The following OSBPL9 variants were observed in gnomAD, a reference collection of about 807,000 sequenced individuals.
OSBPL9 encodes oxysterol-binding protein-related protein 9.
Under a neutral mutation model 106.6 loss-of-function variants are expected in OSBPL9, and 40 were observed. The observed-to-expected ratio is 0.38, with a 90% CI of 0.29 to 0.49. The LOEUF is 0.49. Ranked by LOEUF, OSBPL9 falls within the 20% of genes least tolerant of loss-of-function variation. The probability of loss-of-function intolerance (pLI) is 0.97; values close to 1 mark genes in which losing one functional copy is unlikely to be tolerated. For synonymous variants in OSBPL9, 269 were observed against 295.4 expected (o/e 0.91, Z 0.92); for missense variants, 609 against 887.2 (o/e 0.69, Z 3.98).
intron 2 of OSBPL9, among the ~76,000 whole-genome samples, chr1:51,603,601 G>A (rs1182767601): frequency 6.6e-6 from 1 of 152,198 alleles, no homozygotes; most frequent in Admixed American, 6.5e-5. Context: ...CCTATTCTAT[G>A]TTCTGGTCTC....
At position 51,784,361 on chromosome 1, in the gene OSBPL9, A is replaced by T. The variant is rs1557874805; in HGVS notation, c.1688+34A>T. On this transcript the variant is annotated intron_variant, in intron 19 of 23. Transcript: ENST00000428468. The stretch of plus-strand genomic sequence containing the variant: ...GTCCATTTCCTCTGATCAGCAGTAG[A>T]CTCTGCTGTTCCTTGAGACATGCCC... 3 of 1,605,054 alleles carry T rather than the reference A, an allele frequency of 1.9e-6. No individual in the cohort carries two copies. The South Asian group carries it at 3.3e-5, about 18-fold the overall frequency.
At chr1:51,758,978 A>G (rs1670937452) in intron 9 of OSBPL9, among the ~76,000 whole-genome samples, 1 of 152,118 alleles carries the variant, frequency 6.6e-6, no homozygotes, top group Non-Finnish European at 1.5e-5. Flanking sequence ...CAGACTTTTT[A>G]TTTTGCAGAC....
intron 2 of OSBPL9, among the ~76,000 whole-genome samples, chr1:51,660,117 A>G (rs1048446507): frequency 2.0e-5 from 3 of 152,176 alleles, no homozygotes; most frequent in African/African-American, 7.2e-5. Context: ...AACTGGATCA[A>G]TTGGGTGTCC....
chr1:51,633,673 G>GT (rs1378936987), intron 1 of OSBPL9, among the ~76,000 whole-genome samples: 1 of 152,132 alleles, frequency 6.6e-6, no homozygotes, highest in African/African-American at 2.4e-5. Flanking sequence ...GGGGGCTAGA[G>GT]TGCAGGGGCA....
chr1:51,547,363 C>T, the OSBPL9 span, among the ~76,000 whole-genome samples: 1 of 152,112 alleles, frequency 6.6e-6, no homozygotes, highest in Non-Finnish European at 1.5e-5. Flanking sequence ...CATTTTAAAA[C>T]AGTGCTCAGT....
the OSBPL9 span, among the ~76,000 whole-genome samples, chr1:51,562,262 G>A: frequency 0.011 from 1,628 of 152,204 alleles, 21 homozygotes; most frequent in African/African-American, 0.037. Flanking sequence ...CATAGTGAGT[G>A]AGTTATCATG....
chr1:51,692,488 AC>A (rs1655165315), intron 3 of OSBPL9, among the ~76,000 whole-genome samples: 1 of 152,070 alleles, frequency 6.6e-6, no homozygotes, highest in South Asian at 2.1e-4. Context: ...ATTGCCACAA[AC>A]GCCCTGCAAA....
chr1:51,613,500 G>A (rs1419198538), upstream of OSBPL9, among the ~76,000 whole-genome samples: 1 of 152,148 alleles, frequency 6.6e-6, no homozygotes, highest in Non-Finnish European at 1.5e-5. Flanking sequence ...TGTAAAATGT[G>A]GAGATTAAAA....
rs1288288999 is a variant in OSBPL9, at chr1:51,785,581, G to A, written c.1830-227G>A. On this transcript the variant is annotated intron_variant, in intron 20 of 23. Transcript: ENST00000428468. The stretch of plus-strand genomic sequence containing the variant: ...ATGGTCCTTGCACCCAGAATAGGAC[G>A]TTCTTGCCCAAACCCACCATTCTTG... 2.5e-5 allele frequency: 13 copies of A among 529,046 alleles called. 1 individual carries two copies. Among genetic ancestry groups the A allele is most frequent in the Middle Eastern group, 4.8e-4 (1 of 2,076 alleles). 32.8% of individuals were successfully genotyped at this position (529,046 alleles called of 1,614,324 possible).
chr1:51,550,778 T>C, the OSBPL9 span, among the ~76,000 whole-genome samples: 2 of 152,176 alleles, frequency 1.3e-5, no homozygotes, highest in African/African-American at 4.8e-5. Flanking sequence ...CCTCCCAAAG[T>C]GCTGGGATTA....
At chr1:51,662,807 T>C (rs374688221) in intron 2 of OSBPL9, among the ~76,000 whole-genome samples, 20 of 148,786 alleles carry the variant, frequency 1.3e-4, no homozygotes, top group East Asian at 6.0e-4. Flanking sequence ...TGCAGTGGCG[T>C]GATCTCGGCT....
intron 1 of OSBPL9, among the ~76,000 whole-genome samples, chr1:51,624,382 G>A (rs1470509769): frequency 6.6e-6 from 1 of 151,958 alleles, no homozygotes; most frequent in Non-Finnish European, 1.5e-5. Context: ...GAGGTCAGGA[G>A]TTCAAGACAA....
chr1:51,631,401 G>T (rs1645096368), intron 1 of OSBPL9, among the ~76,000 whole-genome samples: 1 of 152,036 alleles, frequency 6.6e-6, no homozygotes, highest in Non-Finnish European at 1.5e-5. Flanking sequence ...AATTAGCCAA[G>T]CATGGTGGAG....
intron 3 of OSBPL9, among the ~76,000 whole-genome samples, chr1:51,695,860 T>C (rs1655911028): frequency 6.6e-6 from 1 of 152,224 alleles, no homozygotes; most frequent in Admixed American, 6.5e-5. Context: ...TAGGTTTAGC[T>C]TTTATTATTT....
chr1:51,686,320 G>A (rs1653793268), intron 3 of OSBPL9, among the ~76,000 whole-genome samples: 1 of 152,158 alleles, frequency 6.6e-6, no homozygotes, highest in Non-Finnish European at 1.5e-5. Flanking sequence ...ACACATGTAG[G>A]AAGTGGCAGA....
chr1:51,551,109 C>T, the OSBPL9 span, among the ~76,000 whole-genome samples: 3 of 152,078 alleles, frequency 2.0e-5, no homozygotes, highest in Admixed American at 6.6e-5. Flanking sequence ...GCAAAGGGAG[C>T]GGGATGGAAA....
At chr1:51,742,777 A>G (rs2148990395) in intron 4 of OSBPL9, among the ~76,000 whole-genome samples, 1 of 152,234 alleles carries the variant, frequency 6.6e-6, no homozygotes, top group South Asian at 2.1e-4. Flanking sequence ...AAGGATTAAT[A>G]TGAATAAGTG....
chr1:51,584,144 C>T (rs533647398), intron 1 of OSBPL9, among the ~76,000 whole-genome samples: 4 of 152,280 alleles, frequency 2.6e-5, no homozygotes, highest in African/African-American at 4.8e-5. Flanking sequence ...GTGCAAGCCA[C>T]TGTGCCCGGT....
intron 1 of OSBPL9, among the ~76,000 whole-genome samples, chr1:51,634,452 A>T (rs1645295977): frequency 6.6e-6 from 1 of 152,220 alleles, no homozygotes; most frequent in African/African-American, 2.4e-5. Flanking sequence ...TCGAGGTTGT[A>T]GGGAAGTTGA....
Sources: gnomAD v4.1 joint callset for allele counts (sites outside exome capture counted in the v4.1 genomes callset) on GRCh38, gnomAD v4.1.1 for gene constraint, MANE v1.5 for transcripts, NCBI Gene and HGNC (gene_info 2026-07-23, HGNC 2026-07-21) for gene names.